The following MIR2052HG variants were observed in gnomAD, a reference collection of about 807,000 sequenced individuals.
MIR2052HG encodes MIR2052 host gene.
chr8:74,684,397 T>G (rs767779500), intron 2 of MIR2052HG, among the ~76,000 whole-genome samples: 5 of 152,024 alleles, frequency 3.3e-5, no homozygotes, highest in African/African-American at 4.8e-5. Flanking sequence ...TCTACTAACG[T>G]TCCGTTCGCT....
At chr8:74,694,511 A>G (rs1809275964) in intron 2 of MIR2052HG, among the ~76,000 whole-genome samples, 2 of 152,248 alleles carry the variant, frequency 1.3e-5, no homozygotes, top group Non-Finnish European at 2.9e-5. Context: ...CCAAGAAGTA[A>G]TCTCTGAATT....
At chr8:74,601,838 A>T (rs1338878505) in intron 1 of MIR2052HG, among the ~76,000 whole-genome samples, 1 of 152,230 alleles carries the variant, frequency 6.6e-6, no homozygotes, top group Non-Finnish European at 1.5e-5. Flanking sequence ...ACTCAGGAGC[A>T]TTATTAATCA....
chr8:74,643,288 T>C (rs1215926556), intron 2 of MIR2052HG, among the ~76,000 whole-genome samples: 3 of 152,212 alleles, frequency 2.0e-5, no homozygotes, highest in Non-Finnish European at 4.4e-5. Context: ...TTCTTAAGCA[T>C]GGTAGTAAAT....
intron 1 of MIR2052HG, among the ~76,000 whole-genome samples, chr8:74,603,031 C>A (rs992598070): frequency 6.2e-4 from 52 of 83,434 alleles, no homozygotes; most frequent in South Asian, 1.9e-3. Context: ...CAAAACAAAA[C>A]AAAACACCAA....
chr8:74,607,141 T>C (rs1239837918), intron 1 of MIR2052HG, among the ~76,000 whole-genome samples: 5 of 151,628 alleles, frequency 3.3e-5, no homozygotes, highest in Non-Finnish European at 1.5e-5. Flanking sequence ...AAAGATTTGC[T>C]TGCTAACATC....
At chr8:74,620,686 C>A (rs1465427914) in intron 2 of MIR2052HG, among the ~76,000 whole-genome samples, 17 of 152,250 alleles carry the variant, frequency 1.1e-4, no homozygotes, top group African/African-American at 4.1e-4. Flanking sequence ...TGAGGCTGCA[C>A]AGAGCAGAGT....
intron 2 of MIR2052HG, among the ~76,000 whole-genome samples, chr8:74,621,651 A>G (rs1224605501): frequency 6.6e-6 from 1 of 152,148 alleles, no homozygotes; most frequent in African/African-American, 2.4e-5. Context: ...CAATGATTCA[A>G]TTGTGTCCAC....
At chr8:74,679,692 T>TTTTTGTTTTG (rs527703635) in intron 2 of MIR2052HG, among the ~76,000 whole-genome samples, 1 of 151,662 alleles carries the variant, frequency 6.6e-6, no homozygotes, top group Admixed American at 6.6e-5. Flanking sequence ...CCGGCTAAAT[T>TTTTTGTTTTG]TTTTGTTTTG....
intron 2 of MIR2052HG, among the ~76,000 whole-genome samples, chr8:74,658,537 C>A (rs989749698): frequency 6.6e-6 from 1 of 152,024 alleles, no homozygotes; most frequent in South Asian, 2.1e-4. Flanking sequence ...ATGTGCCCAC[C>A]ACCACACCCG....
At chr8:74,623,608 G>A (rs1436537431) in intron 2 of MIR2052HG, among the ~76,000 whole-genome samples, 1 of 152,196 alleles carries the variant, frequency 6.6e-6, no homozygotes, top group Admixed American at 6.5e-5. Context: ...ACATCTTTCA[G>A]TGGAGTCAGG....
At chr8:74,703,648 G>T (rs1394574442) in exon 4 of MIR2052HG, 1 of 452,752 alleles carries the variant, frequency 2.2e-6, no homozygotes, top group South Asian at 1.6e-5. Flanking sequence ...AAATTAGGAG[G>T]AATGTTCTGG....
chr8:74,607,896 A>G (rs1013753683), intron 1 of MIR2052HG, among the ~76,000 whole-genome samples: 3 of 152,184 alleles, frequency 2.0e-5, no homozygotes, highest in Non-Finnish European at 4.4e-5. Context: ...AAGGGGGCCT[A>G]TTATGAATGG....
chr8:74,600,876 T>C (rs996731534), intron 1 of MIR2052HG, among the ~76,000 whole-genome samples: 6 of 152,248 alleles, frequency 3.9e-5, no homozygotes, highest in Non-Finnish European at 5.9e-5. Context: ...GCCTGGCCTA[T>C]TTAATTCTTA....
intron 2 of MIR2052HG, among the ~76,000 whole-genome samples, chr8:74,680,751 G>A (rs1809114067): frequency 6.6e-6 from 1 of 152,090 alleles, no homozygotes; most frequent in South Asian, 2.1e-4. Context: ...CTGTTATACA[G>A]ACACATGCAC....
intron 2 of MIR2052HG, among the ~76,000 whole-genome samples, chr8:74,613,226 G>C (rs898644225): frequency 2.0e-5 from 3 of 152,136 alleles, no homozygotes; most frequent in African/African-American, 7.2e-5. Flanking sequence ...TAGCACTTTG[G>C]AGTGACTGGT....
At chr8:74,721,883 G>A (rs1809581183) in intron 4 of MIR2052HG, among the ~76,000 whole-genome samples, 1 of 152,174 alleles carries the variant, frequency 6.6e-6, no homozygotes, top group South Asian at 2.1e-4. Context: ...ATTCCAGATG[G>A]TTATGCAGTG....
At chr8:74,680,479 C>T (rs1809110646) in intron 2 of MIR2052HG, among the ~76,000 whole-genome samples, 1 of 152,038 alleles carries the variant, frequency 6.6e-6, no homozygotes, top group Non-Finnish European at 1.5e-5. Context: ...CCATCACTGG[C>T]CATCAGAGAA....
intron 2 of MIR2052HG, among the ~76,000 whole-genome samples, chr8:74,678,630 A>C (rs988822658): frequency 6.6e-6 from 1 of 151,258 alleles, no homozygotes; most frequent in Non-Finnish European, 1.5e-5. Context: ...AATAAGGTCT[A>C]TATAACCTTG....
chr8:74,742,991 G>A (rs1482920103), intron 4 of MIR2052HG, among the ~76,000 whole-genome samples: 1 of 151,982 alleles, frequency 6.6e-6, no homozygotes, highest in East Asian at 1.9e-4. Flanking sequence ...GCTGGACAAG[G>A]CTCAGATGGA....
Sources: gnomAD v4.1 joint callset for allele counts (sites outside exome capture counted in the v4.1 genomes callset) on GRCh38, gnomAD v4.1.1 for gene constraint, MANE v1.5 for transcripts, NCBI Gene and HGNC (gene_info 2026-07-23, HGNC 2026-07-21) for gene names.